AHCYL2: variants seen among roughly 807,000 people sequenced by gnomAD.
AHCYL2 encodes the protein S-adenosylhomocysteine hydrolase-like protein 2.
Under a neutral mutation model 81.4 loss-of-function variants are expected in AHCYL2, and 28 were observed. The observed-to-expected ratio is 0.34, with a 90% CI of 0.25 to 0.47. The LOEUF is 0.47. Among genes scored for constraint, AHCYL2 ranks in the 20% least tolerant of loss-of-function variants. The pLI is 1.00. For missense variants in AHCYL2, 551 were observed against 785.1 expected (o/e 0.70, Z 3.56); for synonymous variants, 272 against 290.2 (o/e 0.94, Z 0.64).
chr7:129,339,774 T>G (rs1416011678), intron 1 of AHCYL2, among the ~76,000 whole-genome samples: 1 of 152,004 alleles, frequency 6.6e-6, no homozygotes, highest in Non-Finnish European at 1.5e-5. Flanking sequence ...CAAGTGATTT[T>G]CCCACCTCAG....
rs1165258717 is a variant in AHCYL2, at chr7:129,430,101, G to C, written c.*3056G>C. Reference sequence around the variant, plus strand: ...TACTGAAAGGAATAACACTTCTAAAGATCACCATTTCTGAGAAGTTCTTGG... The same window carrying C: ...TACTGAAAGGAATAACACTTCTAAACATCACCATTTCTGAGAAGTTCTTGG... On this transcript the variant is annotated 3_prime_UTR_variant, in exon 17 of 17. Coordinates refer to ENST00000325006, the MANE Select transcript of AHCYL2 (RefSeq NM_015328.4). 4 of 152,084 alleles carry C rather than the reference G, an allele frequency of 2.6e-5. No homozygotes were observed. Among genetic ancestry groups the C allele is most frequent in the African/African-American group, 4.8e-5 (2 of 41,252 alleles). The allele number at this position is 152,084 out of a possible 1,614,324, so 9.4% of individuals were successfully genotyped here.
intron 1 of AHCYL2, among the ~76,000 whole-genome samples, chr7:129,248,059 A>G (rs1315388179): frequency 6.6e-6 from 1 of 152,156 alleles, no homozygotes; most frequent in African/African-American, 2.4e-5. Flanking sequence ...TTCCCTTCAT[A>G]TGGATATCCA....
At chr7:129,410,499 G>A (rs12248) in intron 11 of AHCYL2, 20,708 of 976,504 alleles carry the variant, frequency 0.021, 259 homozygotes, top group Non-Finnish European at 0.027. Context: ...TCCAGCTACA[G>A]AGTTAAAAGG....
At chr7:129,319,684 T>C (rs1319391168) in intron 1 of AHCYL2, among the ~76,000 whole-genome samples, 3 of 152,216 alleles carry the variant, frequency 2.0e-5, no homozygotes, top group African/African-American at 4.8e-5. Flanking sequence ...ACATACAATA[T>C]GAACTCTTAT....
chr7:129,261,997 GTAGAAGGGCCTGTCTCATATT>G lies in AHCYL2; in HGVS notation c.363+36560_363+36580del, dbSNP rs1176740053. 5.9e-5 allele frequency among the ~76,000 whole-genome samples: 9 copies of G among 152,166 alleles called. No individual in the cohort carries two copies. In the East Asian group the frequency reaches 1.2e-3, roughly 20 times the overall value. The stretch of plus-strand genomic sequence containing the variant: ...ATTTTCTGTATTATTTTTTAACATG[GTAGAAGGGCCTGTCTCATATT>G]TTTGCATATAACATCACTGAAAAAA... On this transcript the variant is annotated intron_variant, in intron 1 of 16. Transcript: ENST00000325006.
intron 1 of AHCYL2, among the ~76,000 whole-genome samples, chr7:129,323,387 TTTTAA>T (rs1283390427): frequency 3.9e-5 from 6 of 152,230 alleles, no homozygotes; most frequent in East Asian, 1.9e-4. Context: ...TGTTTCTGTT[TTTTAA>T]TTTAATTTCA....
Position 129,405,146 on chromosome 7 carries a change from G to A in AHCYL2, c.1075G>A (p.Val359Ile), listed in dbSNP as rs1274274795. The change falls in exon 8 of 17, where the codon GTC becomes ATC. Residue 359 changes from valine (V) to isoleucine (I), a missense_variant. By Grantham distance (29) the Val-to-Ile change is conservative. Around this residue, in one of 2 missense-constraint regions of AHCYL2, gnomAD observed 316 missense variants for 543.1 expected, o/e 0.58. Coordinates refer to ENST00000325006, the MANE Select transcript of AHCYL2 (RefSeq NM_015328.4). ...AGKLCVPAMNVNDSVTKQKFD... is the reference protein window; with the variant it reads ...AGKLCVPAMNINDSVTKQKFD... ...GAAGCTGTGTGTTCCAGCCATGAATGTCAATGACTCAGTCACCAAACAGAA... is the reference window on the plus strand; with the variant it reads ...GAAGCTGTGTGTTCCAGCCATGAATATCAATGACTCAGTCACCAAACAGAA... The A allele has an allele frequency of 1.2e-6, 2 of 1,605,270 alleles. No individual in the cohort carries two copies. The highest frequency in any genetic ancestry group is 2.2e-5 in the South Asian group (2 of 90,200).
chr7:129,297,742 C>A (rs986979697), intron 1 of AHCYL2, among the ~76,000 whole-genome samples: 1 of 152,002 alleles, frequency 6.6e-6, no homozygotes, highest in Non-Finnish European at 1.5e-5. Flanking sequence ...CATTACCTGG[C>A]TGGATGCAGT....
chr7:129,351,435 G>A (rs562122684), intron 1 of AHCYL2: 1 of 152,118 alleles, frequency 6.6e-6, no homozygotes, highest in Non-Finnish European at 1.5e-5. Flanking sequence ...CACACATACA[G>A]CCTCTGGAAA....
intron 2 of AHCYL2, among the ~76,000 whole-genome samples, chr7:129,386,748 A>C (rs1040213820): frequency 6.6e-6 from 1 of 152,186 alleles, no homozygotes; most frequent in Admixed American, 6.5e-5. Flanking sequence ...TAGGAAGGGC[A>C]ATCTCTTCTG....
At chr7:129,414,476 A>G (rs1169321157) in intron 12 of AHCYL2, among the ~76,000 whole-genome samples, 1 of 133,382 alleles carries the variant, frequency 7.5e-6, no homozygotes, top group Non-Finnish European at 1.5e-5. Flanking sequence ...GCTGGAGTGC[A>G]GTGGCGCGGT....
intron 1 of AHCYL2, among the ~76,000 whole-genome samples, chr7:129,324,406 T>C (rs532411676): frequency 2.2e-4 from 34 of 151,212 alleles, no homozygotes; most frequent in African/African-American, 8.1e-4. Flanking sequence ...ATCTTGCTGT[T>C]TGTTTTCTAT....
intron 1 of AHCYL2, among the ~76,000 whole-genome samples, chr7:129,325,433 C>G (rs1233596975): frequency 1.3e-5 from 2 of 151,620 alleles, no homozygotes; most frequent in African/African-American, 4.8e-5. Context: ...GGGGTTTTTT[C>G]CCCTCTCGAT....
At chr7:129,400,925 C>T (rs1034071796) in intron 6 of AHCYL2, among the ~76,000 whole-genome samples, 13 of 152,206 alleles carry the variant, frequency 8.5e-5, no homozygotes, top group Admixed American at 2.0e-4. Flanking sequence ...TTAAAAAAGA[C>T]GAGATGAAGT....
rs1488904773 is a variant in AHCYL2, at chr7:129,413,702, G to A, written c.1461+14G>A. The stretch of plus-strand genomic sequence containing the variant: ...GAGATTGACGTGGTAAGATCAAGTA[G>A]CTCATTATTGGGGGCTTTTTTCTCT... On this transcript the variant is annotated intron_variant, in intron 12 of 16. Coordinates refer to ENST00000325006, the MANE Select transcript of AHCYL2 (RefSeq NM_015328.4). The A allele has an allele frequency of 1.2e-6, 2 of 1,608,994 alleles. No homozygotes were observed. The highest frequency in any genetic ancestry group is 1.1e-5 in the South Asian group (1 of 90,972).
intron 5 of AHCYL2, among the ~76,000 whole-genome samples, chr7:129,398,349 A>G (rs1361188151): frequency 6.8e-6 from 1 of 147,050 alleles, no homozygotes; most frequent in East Asian, 2.0e-4. Context: ...ATTTAATTTA[A>G]TTTTTATTTT....
intron 1 of AHCYL2, among the ~76,000 whole-genome samples, chr7:129,322,328 C>A (rs377476553): frequency 1.3e-4 from 19 of 145,252 alleles, no homozygotes; most frequent in East Asian, 1.1e-3. Context: ...TTAGTAGAGG[C>A]GTGGTTTTGC....
intron 1 of AHCYL2, among the ~76,000 whole-genome samples, chr7:129,267,084 G>A (rs1563172982): frequency 6.6e-6 from 1 of 151,722 alleles, no homozygotes; most frequent in Non-Finnish European, 1.5e-5. Flanking sequence ...AATGAGAAGG[G>A]GAAATGATCA....
intron 1 of AHCYL2, among the ~76,000 whole-genome samples, chr7:129,287,815 A>G (rs1796688630): frequency 6.6e-6 from 1 of 152,118 alleles, no homozygotes; most frequent in African/African-American, 2.4e-5. Context: ...TTTCTTTTGA[A>G]TGTTTTTTAT....
Sources: gnomAD v4.1 joint callset for allele counts (sites outside exome capture counted in the v4.1 genomes callset) on GRCh38, gnomAD v4.1.1 for gene constraint, gnomAD v4.1.1 regional missense constraint, MANE v1.5 for transcripts, NCBI Gene and HGNC (gene_info 2026-07-23, HGNC 2026-07-21) for gene names.